The following TACR1 variants were observed in gnomAD, a reference collection of about 807,000 sequenced individuals.
TACR1 encodes tachykinin receptor 1, also known as substance-P receptor.
Under a neutral mutation model 35.8 loss-of-function variants are expected in TACR1, and 25 were observed. The ratio of observed to expected loss-of-function variants is 0.70; its 90% confidence interval spans 0.51 to 0.98. The LOEUF (loss-of-function observed/expected upper bound fraction) is 0.98. Among genes scored for constraint, TACR1 ranks in the 50% least tolerant of loss-of-function variants. The probability of loss-of-function intolerance (pLI) is 0.00; values close to 1 mark genes in which losing one functional copy is unlikely to be tolerated. For synonymous variants in TACR1, 195 were observed against 206.7 expected (o/e 0.94, Z 0.48); for missense variants, 478 against 522.9 (o/e 0.91, Z 0.84).
At chr2:75,158,211 A>C (rs1402480477) in intron 1 of TACR1, among the ~76,000 whole-genome samples, 1 of 152,184 alleles carries the variant, frequency 6.6e-6, no homozygotes, top group African/African-American at 2.4e-5. Context: ...CTTCCTATGG[A>C]CGAAGATCGA....
At chr2:75,112,058 TACAGA>T (rs1229966813) in intron 2 of TACR1, among the ~76,000 whole-genome samples, 1 of 152,058 alleles carries the variant, frequency 6.6e-6, no homozygotes, top group East Asian at 1.9e-4. Context: ...CTCATTCAAG[TACAGA>T]ATCCTACAAT....
intron 1 of TACR1, among the ~76,000 whole-genome samples, chr2:75,172,371 C>T (rs1675307299): frequency 1.3e-5 from 2 of 152,156 alleles, no homozygotes. Context: ...ACTCTTTTTG[C>T]AAATGCCTGT....
chr2:75,160,382 T>A (rs1224501336), intron 1 of TACR1, among the ~76,000 whole-genome samples: 2 of 152,172 alleles, frequency 1.3e-5, no homozygotes, highest in Non-Finnish European at 2.9e-5. Context: ...GATTTATTTG[T>A]TATGCAAATA....
At chr2:75,122,016 T>C (rs920210652) in intron 1 of TACR1, among the ~76,000 whole-genome samples, 1 of 152,212 alleles carries the variant, frequency 6.6e-6, no homozygotes, top group Non-Finnish European at 1.5e-5. Flanking sequence ...TTATTCAGTA[T>C]GCGCTCAATA....
chr2:75,141,593 G>A (rs765140851), intron 1 of TACR1, among the ~76,000 whole-genome samples: 4 of 152,028 alleles, frequency 2.6e-5, no homozygotes, highest in Non-Finnish European at 5.9e-5. Flanking sequence ...GGAAACTAGT[G>A]AGAGAAGGTA....
intron 3 of TACR1, among the ~76,000 whole-genome samples, chr2:75,052,422 C>A (rs1295209146): frequency 6.6e-6 from 1 of 152,266 alleles, no homozygotes; most frequent in South Asian, 2.1e-4. Flanking sequence ...CATTTTGTTA[C>A]ATCAGCCCAA....
chr2:75,098,087 A>G (rs1673461025), intron 2 of TACR1, among the ~76,000 whole-genome samples: 1 of 152,190 alleles, frequency 6.6e-6, no homozygotes, highest in South Asian at 2.1e-4. Context: ...TACACATACC[A>G]TAGAAAATCT....
chr2:75,104,375 C>T (rs1477683018), intron 2 of TACR1, among the ~76,000 whole-genome samples: 2 of 151,900 alleles, frequency 1.3e-5, no homozygotes, highest in African/African-American at 4.8e-5. Context: ...ATGCACCCAA[C>T]TATATAAAAC....
chr2:75,188,453 C>A (rs1294911252), intron 1 of TACR1: 2 of 152,208 alleles, frequency 1.3e-5, no homozygotes, highest in African/African-American at 4.8e-5. Context: ...CATGACTGCT[C>A]AGCACTCTCC....
intron 2 of TACR1, among the ~76,000 whole-genome samples, chr2:75,064,073 C>T (rs531389507): frequency 6.8e-6 from 1 of 147,692 alleles, no homozygotes; most frequent in East Asian, 2.0e-4. Flanking sequence ...CAGATTCTTT[C>T]TTGGGCAGCA....
chr2:75,071,795 G>A (rs1435459478), intron 2 of TACR1, among the ~76,000 whole-genome samples: 2 of 152,194 alleles, frequency 1.3e-5, no homozygotes, highest in Non-Finnish European at 2.9e-5. Flanking sequence ...TTGGCATAGA[G>A]TGCCTGCTCC....
At chr2:75,082,387 G>A (rs374205805) in intron 2 of TACR1, among the ~76,000 whole-genome samples, 4 of 152,284 alleles carry the variant, frequency 2.6e-5, no homozygotes, top group South Asian at 2.1e-4. Context: ...ATAAACATAC[G>A]TGTGCATGTG....
At chr2:75,075,440 C>T (rs1165818503) in intron 2 of TACR1, among the ~76,000 whole-genome samples, 1 of 152,176 alleles carries the variant, frequency 6.6e-6, no homozygotes, top group East Asian at 1.9e-4. Flanking sequence ...ACTTGGGCCT[C>T]AGGAATCATA....
At position 75,049,138 on chromosome 2, in the gene TACR1, A is replaced by G. The variant is rs941341593; in HGVS notation, c.*294T>C. 13 of 376,836 alleles carry G rather than the reference A, an allele frequency of 3.4e-5. No homozygotes were observed. Among genetic ancestry groups the G allele is most frequent in the African/African-American group, 2.6e-4 (13 of 49,376 alleles). 23.3% of individuals were successfully genotyped at this position (376,836 alleles called of 1,614,324 possible). ...TGAGCACTCGCATGCAGCCAAAGTC[A>G]CTTCCAGAATGGAATGAATGGGCTT... On this transcript the variant is annotated 3_prime_UTR_variant, in exon 5 of 5. Transcript: ENST00000305249.
chr2:75,118,599 C>CT (rs1673908326), intron 2 of TACR1, among the ~76,000 whole-genome samples: 1 of 152,118 alleles, frequency 6.6e-6, no homozygotes, highest in African/African-American at 2.4e-5. Context: ...AAATATTATT[C>CT]TTTTTTGGAA....
chr2:75,195,489 C>G (rs1326541189), intron 1 of TACR1, among the ~76,000 whole-genome samples: 1 of 151,972 alleles, frequency 6.6e-6, no homozygotes, highest in East Asian at 1.9e-4. Context: ...GTACTGCAAT[C>G]TGCAACTGAA....
chr2:75,078,652 G>A (rs1157121992), intron 2 of TACR1, among the ~76,000 whole-genome samples: 1 of 152,074 alleles, frequency 6.6e-6, no homozygotes, highest in African/African-American at 2.4e-5. Flanking sequence ...AACATCATGG[G>A]GGTAGAACAA....
intron 2 of TACR1, among the ~76,000 whole-genome samples, chr2:75,089,499 G>C (rs1228624335): frequency 6.6e-6 from 1 of 152,234 alleles, no homozygotes; most frequent in Non-Finnish European, 1.5e-5. Context: ...CCTTTCGGGA[G>C]TCATCACTCT....
chr2:75,115,586 C>T (rs1382091853), intron 2 of TACR1, among the ~76,000 whole-genome samples: 1 of 152,066 alleles, frequency 6.6e-6, no homozygotes, highest in Non-Finnish European at 1.5e-5. Context: ...TAATAGCATA[C>T]ATTCAAAAAG....
Sources: gnomAD v4.1 joint callset for allele counts (sites outside exome capture counted in the v4.1 genomes callset) on GRCh38, gnomAD v4.1.1 for gene constraint, MANE v1.5 for transcripts, NCBI Gene and HGNC (gene_info 2026-07-23, HGNC 2026-07-21) for gene names.